Variants in ATRNL1 observed in about 807,000 individuals in gnomAD.
The protein encoded by ATRNL1 is attractin like 1.
Under a neutral mutation model 182.7 loss-of-function variants are expected in ATRNL1, and 95 were observed. The observed-to-expected ratio is 0.52, with a 90% CI of 0.44 to 0.62. The LOEUF (loss-of-function observed/expected upper bound fraction) is 0.62, where lower values mean the gene tolerates loss of function less well. ATRNL1 is among the 20% of genes least tolerant of loss of function. The pLI is 0.00. For missense variants in ATRNL1, 1,471 were observed against 1,679.5 expected (o/e 0.88, Z 2.17); for synonymous variants, 576 against 568.3 (o/e 1.01, Z -0.19).
chr10:115,387,724 TA>T (rs1195570093), intron 19 of ATRNL1, among the ~76,000 whole-genome samples: 3 of 152,196 alleles, frequency 2.0e-5, no homozygotes, highest in Non-Finnish European at 4.4e-5. Flanking sequence ...TTTCACTGCA[TA>T]TTTTTTTAAG....
rs1216267264 is a variant in ATRNL1 at position 115,411,151 on chromosome 10, T to C, written c.3270-15099T>C. ...GTTACATGCCCCTTATTTTAGTCTC[T>C]GAGTAAAAAAATTATGTATCTTGAC... is the stretch of plus-strand genomic sequence containing the variant. On this transcript the variant is annotated intron_variant, in intron 20 of 28. Coordinates refer to ENST00000355044, the MANE Select transcript of ATRNL1 (RefSeq NM_207303.4). 2.6e-5 allele frequency among the ~76,000 whole-genome samples: 4 copies of C among 151,726 alleles called. No homozygotes were observed. In the East Asian group the frequency reaches 7.7e-4, roughly 29 times the overall value.
chr10:115,377,617 A>G (rs1857749706), intron 19 of ATRNL1, among the ~76,000 whole-genome samples: 1 of 152,020 alleles, frequency 6.6e-6, no homozygotes, highest in Admixed American at 6.6e-5. Context: ...ACTTTTTCTT[A>G]ACTATATAGC....
intron 26 of ATRNL1, among the ~76,000 whole-genome samples, chr10:115,707,173 A>C (rs1453059960): frequency 6.6e-6 from 1 of 151,868 alleles, no homozygotes; most frequent in Non-Finnish European, 1.5e-5. Flanking sequence ...TAAAATAGCA[A>C]AAATTATTAT....
At chr10:115,272,050 T>G (rs1851890879) in intron 13 of ATRNL1, among the ~76,000 whole-genome samples, 2 of 152,198 alleles carry the variant, frequency 1.3e-5, no homozygotes, top group Non-Finnish European at 2.9e-5. Context: ...TTGCTCCTAT[T>G]CTGCCATGTG....
At position 115,398,502 on chromosome 10, in the gene ATRNL1, G is replaced by C. The variant is rs192552456; in HGVS notation, c.3269+3750G>C. Among the ~76,000 whole-genome samples, 788 of 151,944 alleles carry C rather than the reference G, an allele frequency of 5.2e-3. 6 individuals are homozygous for C. Among genetic ancestry groups the C allele is most frequent in the Non-Finnish European group, 8.0e-3 (545 of 67,912 alleles). On this transcript the variant is annotated intron_variant, in intron 20 of 28. Coordinates refer to ENST00000355044, the MANE Select transcript of ATRNL1 (RefSeq NM_207303.4). The stretch of plus-strand genomic sequence containing the variant: ...TGAATGGAAGTTCTTTCCTGATTTG[G>C]CTCTCAGCTTGACTGTTATTAGTGT...
intron 12 of ATRNL1, 95 bp from the exon 13 acceptor site, chr10:115,268,231 A>T: frequency 1.3e-6 from 1 of 742,086 alleles, no homozygotes; most frequent in Middle Eastern, 2.6e-4. Flanking sequence ...AAAATGTCTT[A>T]GTGATTCTTA....
At chr10:115,094,082 CTCGCTCCCG>C in intron 1 of ATRNL1, 39 bp downstream of exon 1, 1 of 1,354,190 alleles carries the variant, frequency 7.4e-7, no homozygotes. Context: ...CCAGCCCTGC[CTCGCTCCCG>C]TCGCGGCCTT....
At chr10:115,544,030 C>T (rs1367424151) in intron 25 of ATRNL1, among the ~76,000 whole-genome samples, 1 of 151,940 alleles carries the variant, frequency 6.6e-6, no homozygotes, top group African/African-American at 2.4e-5. Context: ...CCCAATTATT[C>T]CCCCATCAAT....
intron 20 of ATRNL1, among the ~76,000 whole-genome samples, chr10:115,422,663 C>G (rs899492038): frequency 1.3e-5 from 2 of 152,096 alleles, no homozygotes; most frequent in African/African-American, 4.8e-5. Context: ...ACCATTTGAC[C>G]CAGCAATGGA....
At chr10:115,173,132 C>A (rs1183164457) in intron 8 of ATRNL1, among the ~76,000 whole-genome samples, 1 of 151,922 alleles carries the variant, frequency 6.6e-6, no homozygotes, top group Non-Finnish European at 1.5e-5. Context: ...GGTTAATAAG[C>A]AATGCTACAT....
chr10:115,350,750 G>A (rs1554941045), intron 19 of ATRNL1, among the ~76,000 whole-genome samples: 1 of 152,024 alleles, frequency 6.6e-6, no homozygotes, highest in African/African-American at 2.4e-5. Flanking sequence ...TGGCTATTCT[G>A]AGCCTTTTAT....
chr10:115,396,741 A>C (rs1554955714), intron 20 of ATRNL1, among the ~76,000 whole-genome samples: 1 of 151,948 alleles, frequency 6.6e-6, no homozygotes, highest in African/African-American at 2.4e-5. Context: ...TAGCCATATA[A>C]CTATCCATAA....
intron 26 of ATRNL1, among the ~76,000 whole-genome samples, chr10:115,565,919 A>AT (rs1285205308): frequency 1.3e-5 from 2 of 152,070 alleles, no homozygotes; most frequent in Non-Finnish European, 2.9e-5. Flanking sequence ...TACTCAGTCT[A>AT]TTTCTCTAAA....
At chr10:115,482,504 CAT>C (rs1163580606) in intron 24 of ATRNL1, among the ~76,000 whole-genome samples, 4 of 150,666 alleles carry the variant, frequency 2.7e-5, no homozygotes, top group Non-Finnish European at 4.5e-5. Flanking sequence ...AATACTGAAT[CAT>C]ATGTTTCTCC....
Position 115,286,211 on chromosome 10 carries a change from A to T in ATRNL1, c.2234-5A>T, listed in dbSNP as rs1554918793. The T allele has an allele frequency of 6.1e-6, 9 of 1,485,136 alleles. No individual in the cohort carries two copies. The highest frequency in any genetic ancestry group is 5.9e-5 in the Admixed American group (3 of 50,886). The allele number at this position is 1,485,136 out of a possible 1,614,324, so 92.0% of individuals were successfully genotyped here. ...AACAATAAGACACATTTTTTTTCTT[A>T]CTAGCTCATCTTTGTGGAGAAGGAT... On this transcript the variant is annotated splice_region_variant and splice_polypyrimidine_tract_variant and intron_variant, in intron 14 of 28. Coordinates refer to ENST00000355044, the MANE Select transcript of ATRNL1 (RefSeq NM_207303.4).
chr10:115,759,493 T>A (rs1948678148), intron 27 of ATRNL1, among the ~76,000 whole-genome samples: 1 of 151,608 alleles, frequency 6.6e-6, no homozygotes, highest in Non-Finnish European at 1.5e-5. Context: ...CCTGGGGGAG[T>A]GACCAGGGGA....
chr10:115,228,754 ATTTC>A (rs1474847494), intron 9 of ATRNL1, among the ~76,000 whole-genome samples: 4 of 144,764 alleles, frequency 2.8e-5, no homozygotes, highest in Admixed American at 6.9e-5. Context: ...CTTCAATTAT[ATTTC>A]TTTCTTTCTT....
At chr10:115,758,594 TA>T (rs1565353124) in intron 27 of ATRNL1, among the ~76,000 whole-genome samples, 1 of 152,228 alleles carries the variant, frequency 6.6e-6, no homozygotes, top group Non-Finnish European at 1.5e-5. Flanking sequence ...CCAATCTGTA[TA>T]CACGGGGGTG....
At chr10:115,920,995 C>A (rs1190580924) in intron 28 of ATRNL1, among the ~76,000 whole-genome samples, 1 of 152,118 alleles carries the variant, frequency 6.6e-6, no homozygotes, top group Non-Finnish European at 1.5e-5. Context: ...TTATTGAAAT[C>A]ATCTGAAATT....
Sources: allele counts gnomAD v4.1 joint callset (sites outside exome capture counted in the v4.1 genomes callset), GRCh38; gene constraint gnomAD v4.1.1; transcripts MANE v1.5; gene names NCBI Gene and HGNC (gene_info 2026-07-23, HGNC 2026-07-21).